Variants in ADGRL3 observed in about 807,000 individuals in gnomAD.
The protein encoded by ADGRL3 is adhesion G protein-coupled receptor L3, also known as calcium-independent alpha-latrotoxin receptor 3.
ADGRL3 carries 62 observed loss-of-function variants against 153.5 expected under a neutral mutation model. The ratio of observed to expected loss-of-function variants is 0.40; its 90% CI spans 0.33 to 0.50. ADGRL3 has a LOEUF of 0.50. ADGRL3 is among the 20% of genes least tolerant of loss of function. The pLI is 0.47. For synonymous variants in ADGRL3, 710 were observed against 672.5 expected (o/e 1.06, Z -0.86); for missense variants, 1,641 against 1,859.4 (o/e 0.88, Z 2.16).
intron 4 of ADGRL3, chr4:61,583,672 C>A (rs749573188): frequency 1.1e-4 from 55 of 518,314 alleles, no homozygotes; most frequent in Non-Finnish European, 2.0e-4. Flanking sequence ...TAGTTCATGT[C>A]CCTTCAGTCA....
intron 6 of ADGRL3, among the ~76,000 whole-genome samples, chr4:61,686,906 G>T (rs922593761): frequency 1.3e-5 from 2 of 151,830 alleles, no homozygotes; most frequent in Non-Finnish European, 2.9e-5. Context: ...ATATTCTTCT[G>T]TCTCTGGCTT....
At chr4:61,353,483 A>C (rs907110265) in intron 1 of ADGRL3, among the ~76,000 whole-genome samples, 1 of 152,164 alleles carries the variant, frequency 6.6e-6, no homozygotes, top group South Asian at 2.1e-4. Context: ...AAATACATAT[A>C]TGTAAAAAGG....
chr4:61,699,315 T>G (rs1359293312), intron 6 of ADGRL3, among the ~76,000 whole-genome samples: 1 of 151,700 alleles, frequency 6.6e-6, no homozygotes, highest in African/African-American at 2.4e-5. Flanking sequence ...AGGATGTAAA[T>G]TTTTTTAAAA....
chr4:61,761,011 A>G (rs192822794), intron 8 of ADGRL3, among the ~76,000 whole-genome samples: 23 of 152,282 alleles, frequency 1.5e-4, no homozygotes, highest in Admixed American at 9.2e-4. Flanking sequence ...AATCATAGGG[A>G]ATTGAAGCTG....
chr4:61,258,078 A>C (rs1427473087), intron 1 of ADGRL3, among the ~76,000 whole-genome samples: 1 of 152,166 alleles, frequency 6.6e-6, no homozygotes, highest in East Asian at 1.9e-4. Context: ...ACCTTAGTGC[A>C]AGGACCTATC....
At chr4:61,789,306 CAT>C (rs2097313544) in intron 8 of ADGRL3, among the ~76,000 whole-genome samples, 1 of 151,706 alleles carries the variant, frequency 6.6e-6, no homozygotes, top group Non-Finnish European at 1.5e-5. Context: ...TGTACACACA[CAT>C]ATATGTTGGT....
In ADGRL3 at chr4:61,789,634, GTATT is replaced by G. The variant is rs1221267432; in HGVS notation, c.1400-24172_1400-24169del. 1.3e-4 allele frequency among the ~76,000 whole-genome samples: 20 copies of G among 152,192 alleles called. No individual in the cohort carries two copies. The East Asian group carries it at 2.5e-3, about 19-fold the overall frequency. On this transcript the variant is annotated intron_variant, in intron 8 of 26. Coordinates refer to ENST00000683033, the MANE Select transcript of ADGRL3 (RefSeq NM_001387552.1). ...TTTAATTGGCAAGTTTGAAATTTAA[GTATT>G]TAATTGATGCTTCATAGTAAAATTG...
intron 4 of ADGRL3, among the ~76,000 whole-genome samples, chr4:61,544,137 T>C (rs2098702946): frequency 6.6e-6 from 1 of 152,212 alleles, no homozygotes; most frequent in African/African-American, 2.4e-5. Flanking sequence ...TAGGTAACTT[T>C]ACTATTGAGC....
intron 13 of ADGRL3, among the ~76,000 whole-genome samples, chr4:61,921,430 T>C (rs867111342): frequency 6.6e-6 from 1 of 152,118 alleles, no homozygotes; most frequent in Non-Finnish European, 1.5e-5. Flanking sequence ...TTAGCTTTTT[T>C]GTTGTTGTTG....
chr4:61,828,111 G>A (rs1337191081), intron 9 of ADGRL3, among the ~76,000 whole-genome samples: 1 of 152,178 alleles, frequency 6.6e-6, no homozygotes, highest in African/African-American at 2.4e-5. Context: ...TTTAATAAGT[G>A]AATAAATGAA....
chr4:61,626,092 C>A (rs73822700), intron 5 of ADGRL3, among the ~76,000 whole-genome samples: 4,849 of 151,258 alleles, frequency 0.032, 198 homozygotes, highest in East Asian at 0.18. Context: ...ATTAGAAAAC[C>A]CCGGATAAAA....
At chr4:61,461,543 A>G (rs186514750) in intron 2 of ADGRL3, among the ~76,000 whole-genome samples, 1 of 152,332 alleles carries the variant, frequency 6.6e-6, no homozygotes, top group East Asian at 1.9e-4. Flanking sequence ...ATTCATATAA[A>G]CAAATATTCT....
chr4:61,749,171 C>A (rs2096716940), intron 8 of ADGRL3, among the ~76,000 whole-genome samples: 1 of 152,046 alleles, frequency 6.6e-6, no homozygotes. Flanking sequence ...TACCATCTCA[C>A]ACCAGTTAGA....
chr4:61,240,954 T>C (rs1007730906), intron 1 of ADGRL3, among the ~76,000 whole-genome samples: 3 of 152,040 alleles, frequency 2.0e-5, no homozygotes, highest in Admixed American at 2.0e-4. Flanking sequence ...TGATATCTAG[T>C]TGTAATGTGT....
chr4:61,539,796 G>A (rs1459726357), intron 4 of ADGRL3, among the ~76,000 whole-genome samples: 1 of 152,102 alleles, frequency 6.6e-6, no homozygotes, highest in Non-Finnish European at 1.5e-5. Flanking sequence ...GGGGTAAGGG[G>A]AGCAGAGAAG....
chr4:61,874,787 CTCTTTTTTTTT>C (rs1182178987), intron 9 of ADGRL3, among the ~76,000 whole-genome samples: 42 of 88,616 alleles, frequency 4.7e-4, no homozygotes, highest in East Asian at 3.5e-3. Flanking sequence ...CATCAAAATG[CTCTTTTTTTTT>C]TTTTTTTTTT....
chr4:61,445,083 G>T (rs1044690500), intron 2 of ADGRL3, among the ~76,000 whole-genome samples: 15 of 151,852 alleles, frequency 9.9e-5, no homozygotes, highest in African/African-American at 3.6e-4. Context: ...TACTTCAAAT[G>T]TGGAGGATAA....
At chr4:61,494,738 C>G (rs942334708) in intron 2 of ADGRL3, among the ~76,000 whole-genome samples, 1 of 151,916 alleles carries the variant, frequency 6.6e-6, no homozygotes, top group African/African-American at 2.4e-5. Flanking sequence ...ATGAGATTAT[C>G]TAGAATGAGC....
chr4:61,449,794 A>G (rs957671452), intron 2 of ADGRL3, among the ~76,000 whole-genome samples: 2 of 152,154 alleles, frequency 1.3e-5, no homozygotes, highest in African/African-American at 4.8e-5. Flanking sequence ...ATGACAGGTA[A>G]CGTGTTCATA....
Sources: gnomAD v4.1 joint callset for allele counts (sites outside exome capture counted in the v4.1 genomes callset) on GRCh38, gnomAD v4.1.1 for gene constraint, MANE v1.5 for transcripts, NCBI Gene and HGNC (gene_info 2026-07-23, HGNC 2026-07-21) for gene names.